FBXL18: variants seen among roughly 807,000 people sequenced by gnomAD.
FBXL18 encodes the protein F-box and leucine rich repeat protein 18, also known as F-box/LRR-repeat protein 18.
A neutral mutation model predicts 46.0 loss-of-function variants in FBXL18; 36 were observed. That is an observed-to-expected ratio of 0.78 (90% CI 0.60 to 1.03). The LOEUF (loss-of-function observed/expected upper bound fraction) is 1.03. FBXL18 is among the 50% of genes least tolerant of loss of function. The probability of loss-of-function intolerance (pLI) is 0.00; values close to 1 mark genes in which losing one functional copy is unlikely to be tolerated. For missense variants in FBXL18, 977 were observed against 1,004.1 expected (o/e 0.97, Z 0.36); for synonymous variants, 557 against 465.3 (o/e 1.20, Z -2.54).
In FBXL18 at chr7:5,505,339, T is replaced by C. The variant is rs1784366920; in HGVS notation, c.237+73A>G. The C allele has an allele frequency of 2.1e-6, 3 of 1,402,354 alleles. No homozygotes were observed. In the South Asian group the frequency reaches 3.7e-5, roughly 17 times the overall value. The allele number at this position is 1,402,354 out of a possible 1,614,324, so 86.9% of individuals were successfully genotyped here. On this transcript the variant is annotated intron_variant, in intron 2 of 4. Transcript: ENST00000382368. ...TTTATATCAGCACACAGGGTTCCAC[T>C]GCAGGGCTGTGCCCAGTCCTCAAAG...
chr7:5,465,871 G>A (rs928279341), intron 4 of FBXL18, among the ~76,000 whole-genome samples: 4 of 150,912 alleles, frequency 2.7e-5, no homozygotes, highest in Non-Finnish European at 4.4e-5. Flanking sequence ...AGTCTGGAGT[G>A]CAGGGGCACA....
chr7:5,510,175 G>A (rs755757022), intron 1 of FBXL18, among the ~76,000 whole-genome samples: 1 of 151,384 alleles, frequency 6.6e-6, no homozygotes, highest in Non-Finnish European at 1.5e-5. Context: ...GGTGGCAGGC[G>A]CCTGTAATGC....
At position 5,496,069 on chromosome 7, in the gene FBXL18, A is replaced by T. The variant is rs940356167; in HGVS notation, c.1781+4419T>A. ...CTTGGCCACGGGGATTCCGTCCCAG[A>T]CTCCGGAGGCCATCGGGGACCATGA... is the stretch of plus-strand genomic sequence containing the variant. On this transcript the variant is annotated intron_variant, in intron 3 of 4. Transcript: ENST00000382368. This position sits in a 1 kb window ranked among gnomAD's most constrained non-coding sequence, Gnocchi z 4.8. 6.6e-6 allele frequency among the ~76,000 whole-genome samples: 1 copy of T among 151,904 alleles called. No homozygotes were observed.
chr7:5,502,254 G>A (rs1201361602), intron 2 of FBXL18, among the ~76,000 whole-genome samples: 1 of 152,274 alleles, frequency 6.6e-6, no homozygotes, highest in Non-Finnish European at 1.5e-5. Flanking sequence ...CGGTTTGGCA[G>A]GTGGGCACGG....
intron 1 of FBXL18, among the ~76,000 whole-genome samples, 166 bp from the exon 2 acceptor site, chr7:5,505,796 T>G (rs1860883): frequency 6.6e-6 from 1 of 152,030 alleles, no homozygotes; most frequent in African/African-American, 2.4e-5. Context: ...CCTTCAAAAC[T>G]CCATTATAGA....
rs1344353880 is a variant in FBXL18, at chr7:5,455,048, C to T, written c.2001-7205G>A. 6.6e-6 allele frequency among the ~76,000 whole-genome samples: 1 copy of T among 152,176 alleles called. No homozygotes were observed. The highest frequency in any genetic ancestry group is 1.5e-5 in the Non-Finnish European group (1 of 68,022). ...CCCAGTCACACTGGCACTCCGAGTG[C>T]CACCTTCCACGCCGTCACTTTAGGA... On this transcript the variant is annotated intron_variant and NMD_transcript_variant, in intron 4 of 6. Transcript: ENST00000415009. The surrounding 1 kb of genome is among the most constrained non-coding windows in gnomAD (Gnocchi z 4.6).
intron 3 of FBXL18, among the ~76,000 whole-genome samples, chr7:5,497,292 T>C (rs1396315596): frequency 6.6e-6 from 1 of 152,026 alleles, no homozygotes; most frequent in Non-Finnish European, 1.5e-5. Context: ...CGTCTGGTTC[T>C]CAAAGCAGTC....
chr7:5,484,881 C>T (rs1322494156), intron 4 of FBXL18, among the ~76,000 whole-genome samples: 2 of 152,076 alleles, frequency 1.3e-5, no homozygotes, highest in African/African-American at 4.8e-5. Flanking sequence ...TCAAGTGATC[C>T]ACCCGCCTCA....
At chr7:5,510,313 A>G (rs1784498484) in intron 1 of FBXL18, among the ~76,000 whole-genome samples, 1 of 150,796 alleles carries the variant, frequency 6.6e-6, no homozygotes, top group Non-Finnish European at 1.5e-5. Context: ...AAAAAAAAAA[A>G]AAAAAAAAGA....
intron 3 of FBXL18, among the ~76,000 whole-genome samples, chr7:5,492,894 C>G (rs566212056): frequency 6.6e-6 from 1 of 152,082 alleles, no homozygotes; most frequent in Non-Finnish European, 1.5e-5. Flanking sequence ...GCTCCAGAAT[C>G]GTGAGACAAT....
At chr7:5,499,726 T>G (rs1210597167) in intron 3 of FBXL18, among the ~76,000 whole-genome samples, 3 of 111,302 alleles carry the variant, frequency 2.7e-5, no homozygotes, top group Non-Finnish European at 5.3e-5. Context: ...AATGAGACTC[T>G]GTCTCAAAAA....
At chr7:5,494,161 A>C (rs143215543) in intron 3 of FBXL18, among the ~76,000 whole-genome samples, 1,856 of 151,106 alleles carry the variant, frequency 0.012, 23 homozygotes, top group African/African-American at 0.033. Flanking sequence ...AATCCCAGCT[A>C]CTCGGGAGGC....
intron 1 of FBXL18, among the ~76,000 whole-genome samples, chr7:5,511,688 A>T (rs1467027341): frequency 1.3e-5 from 2 of 151,566 alleles, no homozygotes; most frequent in Non-Finnish European, 2.9e-5. Flanking sequence ...GAATGGTGTG[A>T]ACCTGAGAGG....
Position 5,513,651 on chromosome 7 carries a change from C to G in FBXL18, c.18+6G>C. On this transcript the variant is annotated splice_donor_region_variant and intron_variant, in intron 1 of 4. Coordinates refer to ENST00000382368, the MANE Select transcript of FBXL18 (RefSeq NM_024963.6). The stretch of plus-strand genomic sequence containing the variant: ...GAAGCAGAGCGGAGACAGTCGCGGA[C>G]AGTACCTCTCCGGAGCTGGCCATGT... 1 of 1,611,726 alleles carries G rather than the reference C, an allele frequency of 6.2e-7. No individual in the cohort carries two copies. The highest frequency in any genetic ancestry group is 1.7e-5 in the Admixed American group (1 of 59,780).
At position 5,500,985 on chromosome 7, in the gene FBXL18, G is replaced by A. The variant is rs751904239; in HGVS notation, c.1284C>T (p.Ser428=). The change falls in exon 3 of 5, where the codon TCC becomes TCT. Residue 428 remains serine, a synonymous_variant. Coordinates refer to ENST00000382368, the MANE Select transcript of FBXL18 (RefSeq NM_024963.6). The part of the protein sequence containing the change: ...LSLPVCSVAD[S]APRADRAPAQ... ...CGGGCGCGCGGTCGGCGCGCGGCGCGGAGTCAGCGACAGAGCAGACAGGCA... is the reference window on the plus strand; with the variant it reads ...CGGGCGCGCGGTCGGCGCGCGGCGCAGAGTCAGCGACAGAGCAGACAGGCA... 9 of 1,560,424 alleles carry A rather than the reference G, an allele frequency of 5.8e-6. No individual in the cohort carries two copies. The highest frequency in any genetic ancestry group is 1.2e-5 in the South Asian group (1 of 83,750).
chr7:5,503,659 CA>C (rs1292621880), intron 2 of FBXL18, among the ~76,000 whole-genome samples: 2 of 151,814 alleles, frequency 1.3e-5, no homozygotes, highest in Admixed American at 1.3e-4. Context: ...CAGACCCGGC[CA>C]AAAAATTAAA....
intron 4 of FBXL18, among the ~76,000 whole-genome samples, chr7:5,482,996 C>T (rs980141732): frequency 4.6e-5 from 7 of 151,090 alleles, no homozygotes; most frequent in Non-Finnish European, 8.8e-5. Flanking sequence ...TAAGATCACG[C>T]CACTGTACTC....
intron 4 of FBXL18, among the ~76,000 whole-genome samples, chr7:5,462,849 G>A (rs1376359216): frequency 1.3e-5 from 2 of 148,716 alleles, no homozygotes; most frequent in Admixed American, 1.4e-4. Context: ...TACTCGGGAG[G>A]CTGAGGCAGG....
At chr7:5,482,619 C>G (rs1205834945) in intron 4 of FBXL18, among the ~76,000 whole-genome samples, 2 of 151,252 alleles carry the variant, frequency 1.3e-5, no homozygotes, top group African/African-American at 4.9e-5. Context: ...ACAGACATGA[C>G]CTCATTTTGC....
Sources: gnomAD v4.1 joint callset for allele counts (sites outside exome capture counted in the v4.1 genomes callset) on GRCh38, gnomAD v4.1.1 for gene constraint, Gnocchi (gnomAD v3.1) non-coding constraint, MANE v1.5 for transcripts, NCBI Gene and HGNC (gene_info 2026-07-23, HGNC 2026-07-21) for gene names.